CNOT1: variants seen among roughly 807,000 people sequenced by gnomAD.
CNOT1 encodes CCR4-NOT transcription complex subunit 1.
A neutral mutation model predicts 273.8 loss-of-function variants in CNOT1; 15 were observed. That is an observed-to-expected ratio of 0.05 (90% CI 0.04 to 0.08). CNOT1 has a LOEUF of 0.08. Ranked by LOEUF, CNOT1 falls within the 10% of genes least tolerant of loss-of-function variation. The pLI, the probability that CNOT1 is intolerant of heterozygous loss-of-function variation, is 1.00. For synonymous variants in CNOT1, 1,022 were observed against 1,005.5 expected, an observed-to-expected ratio of 1.02 and a Z score of -0.31; for missense variants, 1,644 against 2,912.2, an observed-to-expected ratio of 0.56 and a Z score of 10.02.
intron 22 of CNOT1, 112 bp from the exon 23 acceptor site, chr16:58,551,931 T>A (rs1355099510): frequency 1.5e-6 from 2 of 1,364,942 alleles, no homozygotes; most frequent in African/African-American, 1.4e-5. Context: ...TTGGTTCATC[T>A]AGCTCACATA....
At chr16:58,523,225 A>G (rs553567470) in intron 47 of CNOT1, 145 bp downstream of exon 47, 8 of 762,324 alleles carry the variant, frequency 1.0e-5, no homozygotes, top group Non-Finnish European at 1.6e-5. Context: ...AGACTGAGTG[A>G]CAGAGCAACA....
At chr16:58,625,140 C>T (rs1437594961) in intron 1 of CNOT1, among the ~76,000 whole-genome samples, 3 of 151,968 alleles carry the variant, frequency 2.0e-5, no homozygotes, top group African/African-American at 7.3e-5. Context: ...AATCCCAGAA[C>T]TTTGGGAAGC....
At chr16:58,569,207 C>T (rs2041174050) in intron 16 of CNOT1, among the ~76,000 whole-genome samples, 1 of 152,202 alleles carries the variant, frequency 6.6e-6, no homozygotes, top group Non-Finnish European at 1.5e-5. Flanking sequence ...AGTGTACCTT[C>T]CATCTCCTGG....
chr16:58,556,033 T>C, intron 19 of CNOT1, 125 bp from the exon 20 acceptor site: 2 of 1,469,922 alleles, frequency 1.4e-6, no homozygotes, highest in Non-Finnish European at 1.8e-6. Context: ...CTGGAAAAGG[T>C]ATTAAGCGGT....
At chr16:58,586,828 G>A in intron 6 of CNOT1, 80 bp from the exon 7 acceptor site, 1 of 1,440,474 alleles carries the variant, frequency 6.9e-7, no homozygotes, top group South Asian at 1.2e-5. Flanking sequence ...TCAAAATGCA[G>A]ATAATCACCC....
At chr16:58,561,254 C>T (rs796282371) in intron 16 of CNOT1, among the ~76,000 whole-genome samples, 21 of 152,306 alleles carry the variant, frequency 1.4e-4, no homozygotes, top group African/African-American at 4.3e-4. Flanking sequence ...TGTCACTCAT[C>T]ACTAGAATTT....
chr16:58,543,581 C>G, intron 31 of CNOT1, 26 bp downstream of exon 31: 1 of 1,614,072 alleles, frequency 6.2e-7, no homozygotes, highest in African/African-American at 1.3e-5. Context: ...CGTTTTGTAC[C>G]TATACCAAGG....
At chr16:58,603,980 A>G (rs1017869613) in intron 1 of CNOT1, among the ~76,000 whole-genome samples, 1 of 152,238 alleles carries the variant, frequency 6.6e-6, no homozygotes, top group Non-Finnish European at 1.5e-5. Context: ...GTCCCATAGT[A>G]AGAACTCACT....
Position 58,526,240 on chromosome 16 carries a change from T to C in CNOT1, c.6454-102A>G, listed in dbSNP as rs2039575686. On this transcript the variant is annotated intron_variant, in intron 44 of 48. Transcript: ENST00000317147. ...ACTGTTTTTCTAAAACTATATACACTATAAATGCCTTGAAGAGCACAGCTG... is the reference window on the plus strand; with the variant it reads ...ACTGTTTTTCTAAAACTATATACACCATAAATGCCTTGAAGAGCACAGCTG... The C allele has an allele frequency of 8.5e-6, 10 of 1,179,746 alleles. No individual in the cohort carries two copies. The South Asian group carries it at 1.3e-4, about 15-fold the overall frequency. 73.1% of individuals were successfully genotyped at this position (1,179,746 alleles called of 1,614,324 possible). A position where few individuals can be genotyped will look rare whatever the true frequency, so the allele number is the denominator to read the frequency against.
At chr16:58,603,407 AAGTGTGTG>A (rs1412381406) in intron 1 of CNOT1, among the ~76,000 whole-genome samples, 6,519 of 126,298 alleles carry the variant, frequency 0.052, 222 homozygotes, top group Non-Finnish European at 0.071. Flanking sequence ...TACAATTTAA[AAGTGTGTG>A]TGTGTGTGTG....
intron 1 of CNOT1, among the ~76,000 whole-genome samples, chr16:58,601,734 T>TAAAAAAAAAAAAAAAAAAAAAAAAA (rs66711143): frequency 5.5e-5 from 5 of 91,512 alleles, no homozygotes; most frequent in Admixed American, 1.3e-4. Flanking sequence ...ATACCCACCT[T>TAAAAAAAAAAAAAAAAAAAAAAAAA]AAAAAAAAAA....
intron 21 of CNOT1, among the ~76,000 whole-genome samples, chr16:58,554,805 A>G (rs1476249871): frequency 2.0e-5 from 3 of 151,916 alleles, no homozygotes; most frequent in Non-Finnish European, 4.4e-5. Context: ...GTGCAGTGGC[A>G]CGCGTCTGTA....
At chr16:58,597,942 T>C (rs1027050910) in intron 2 of CNOT1, 3 of 248,290 alleles carry the variant, frequency 1.2e-5, no homozygotes, top group African/African-American at 6.9e-5. Context: ...ATGAAGTTCG[T>C]TGGGGAGCCA....
intron 7 of CNOT1, among the ~76,000 whole-genome samples, chr16:58,586,074 T>C (rs995577989): frequency 1.3e-5 from 2 of 149,714 alleles, no homozygotes; most frequent in Non-Finnish European, 3.0e-5. Context: ...AATGCCGATA[T>C]CCAAGGAGGT....
At chr16:58,532,461 G>GC (rs2039800837) in intron 40 of CNOT1, 66 bp from the exon 41 acceptor site, 5 of 1,566,528 alleles carry the variant, frequency 3.2e-6, no homozygotes, top group Non-Finnish European at 4.3e-6. Flanking sequence ...TCGATGTCAT[G>GC]CTTTTTAAAC....
intron 36 of CNOT1, among the ~76,000 whole-genome samples, chr16:58,538,523 C>T (rs189819701): frequency 2.0e-5 from 3 of 152,126 alleles, no homozygotes; most frequent in Admixed American, 2.0e-4. Context: ...ATCACTGTAA[C>T]CTTTTAAAAC....
intron 16 of CNOT1, among the ~76,000 whole-genome samples, chr16:58,560,767 G>C (rs1016009849): frequency 2.6e-5 from 4 of 152,224 alleles, no homozygotes; most frequent in African/African-American, 9.6e-5. Context: ...GTTCATGCCT[G>C]TAATCCCAGC....
rs374248367 is a variant in CNOT1 at position 58,537,947 on chromosome 16, G to A, written c.5358C>T (p.His1786=). 7 of 1,614,046 alleles carry A rather than the reference G, an allele frequency of 4.3e-6. No individual in the cohort carries two copies. The highest frequency in any genetic ancestry group is 2.2e-5 in the East Asian group (1 of 44,896). The change falls in exon 38 of 49, where the codon CAC becomes CAT. Residue 1786 remains histidine (H), a synonymous_variant. Coordinates refer to ENST00000317147, the MANE Select transcript of CNOT1 (RefSeq NM_016284.5). ...VAHVTEADLF[H]TIETLMRINA... ...TAATCCTCATGAGGGTTTCAATGGT[G>A]TGGAACAGATCTGCCTCAGTAACAT...
At chr16:58,618,410 G>GT (rs1327822743) in intron 1 of CNOT1, among the ~76,000 whole-genome samples, 1 of 151,852 alleles carries the variant, frequency 6.6e-6, no homozygotes, top group Non-Finnish European at 1.5e-5. Flanking sequence ...GGTAAACCCC[G>GT]TGTCTACTAA....
Sources: gnomAD v4.1 joint callset for allele counts (sites outside exome capture counted in the v4.1 genomes callset) on GRCh38, gnomAD v4.1.1 for gene constraint, MANE v1.5 for transcripts, NCBI Gene and HGNC (gene_info 2026-07-23, HGNC 2026-07-21) for gene names.